COLEC12: variants seen among roughly 807,000 people sequenced by gnomAD.
COLEC12 encodes the protein collectin-12.
COLEC12 carries 33 observed loss-of-function variants against 71.1 expected under a neutral mutation model. That is an observed-to-expected ratio of 0.46 (90% confidence interval 0.35 to 0.62). The LOEUF (loss-of-function observed/expected upper bound fraction) is 0.62. Ranked by LOEUF, COLEC12 falls within the 20% of genes least tolerant of loss-of-function variation. The pLI, the probability that COLEC12 is intolerant of heterozygous loss-of-function variation, is 0.00. For synonymous variants in COLEC12, 350 were observed against 353.0 expected (o/e 0.99, Z 0.10); for missense variants, 765 against 916.1 (o/e 0.84, Z 2.13).
intron 2 of COLEC12, among the ~76,000 whole-genome samples, chr18:434,852 C>T (rs1916372938): frequency 6.6e-6 from 1 of 152,162 alleles, no homozygotes; most frequent in African/African-American, 2.4e-5. Context: ...GCCTAAACCA[C>T]TTTTTCCTGC....
chr18:385,024 G>C (rs1915313688), intron 2 of COLEC12, among the ~76,000 whole-genome samples: 2 of 152,222 alleles, frequency 1.3e-5, no homozygotes. Flanking sequence ...GATATCTGCT[G>C]ATTTAAGAAG....
chr18:476,515 G>A (rs937749162), intron 2 of COLEC12, among the ~76,000 whole-genome samples: 11 of 152,094 alleles, frequency 7.2e-5, no homozygotes, highest in East Asian at 1.9e-4. Flanking sequence ...TTATCATACC[G>A]GATCAGATTC....
At chr18:413,994 A>G (rs7235040) in intron 2 of COLEC12, among the ~76,000 whole-genome samples, 49,077 of 152,068 alleles carry the variant, frequency 0.32, 8,497 homozygotes, top group South Asian at 0.55. Flanking sequence ...CCAGTGATGA[A>G]GAAGTAGGTG....
intron 2 of COLEC12, among the ~76,000 whole-genome samples, chr18:387,979 G>T (rs924452219): frequency 6.3e-5 from 8 of 127,456 alleles, no homozygotes; most frequent in African/African-American, 2.0e-4. Context: ...ATGGGGAAGG[G>T]AACACAAAGT....
intron 1 of COLEC12, among the ~76,000 whole-genome samples, chr18:494,726 A>T (rs1436007045): frequency 6.6e-6 from 1 of 152,228 alleles, no homozygotes; most frequent in Non-Finnish European, 1.5e-5. Flanking sequence ...CTAGTTTCCT[A>T]ACATTTCTCT....
intron 2 of COLEC12, among the ~76,000 whole-genome samples, chr18:468,161 C>T (rs1917123064): frequency 6.6e-6 from 1 of 151,028 alleles, no homozygotes; most frequent in African/African-American, 2.4e-5. Context: ...GCTCGGGAGG[C>T]TGAGGCAGGA....
At chr18:324,217 T>C (rs1913782060) in intron 8 of COLEC12, among the ~76,000 whole-genome samples, 1 of 152,140 alleles carries the variant, frequency 6.6e-6, no homozygotes, top group African/African-American at 2.4e-5. Flanking sequence ...TCTGCATGTT[T>C]ATAATAATAT....
At chr18:481,506 C>G (rs1246066200) in intron 1 of COLEC12, among the ~76,000 whole-genome samples, 1 of 151,964 alleles carries the variant, frequency 6.6e-6, no homozygotes, top group Admixed American at 6.6e-5. Flanking sequence ...GGAGTTCGAG[C>G]CCAGCCTGGC....
rs1178071975 is a variant in COLEC12, at chr18:498,377, T to TTTTTTTTTTTTTTTTG, written c.7+2130_7+2131insCAAAAAAAAAAAAAAA. 5.9e-4 allele frequency among the ~76,000 whole-genome samples: 81 copies of TTTTTTTTTTTTTTTTG among 138,292 alleles called. 2 individuals carry two copies. Among genetic ancestry groups the TTTTTTTTTTTTTTTTG allele is most frequent in the African/African-American group, 1.7e-3 (59 of 34,898 alleles). 90.7% of individuals were successfully genotyped at this position (138,292 alleles called of 152,430 possible). A position where few individuals can be genotyped will look rare whatever the true frequency, so the allele number is the denominator to read the frequency against. On this transcript the variant is annotated intron_variant, in intron 1 of 9. Coordinates refer to ENST00000400256, the MANE Select transcript of COLEC12 (RefSeq NM_130386.3). ...ATATTTTTTTTCTTTTTTTTTTTTT[T>TTTTTTTTTTTTTTTTG]AGACGGAGTCTCGCTCTTGTCACCC...
chr18:473,161 C>A (rs185974630), intron 2 of COLEC12, among the ~76,000 whole-genome samples: 3 of 152,112 alleles, frequency 2.0e-5, no homozygotes, highest in Admixed American at 6.6e-5. Flanking sequence ...CTGTCTCACT[C>A]GAAAGACTTG....
chr18:409,628 T>C (rs72861858), intron 2 of COLEC12, among the ~76,000 whole-genome samples: 2 of 152,204 alleles, frequency 1.3e-5, no homozygotes, highest in Non-Finnish European at 2.9e-5. Context: ...TTATTCATCA[T>C]TGAAAATCAG....
At chr18:449,423 A>G (rs1916714871) in intron 2 of COLEC12, among the ~76,000 whole-genome samples, 1 of 152,204 alleles carries the variant, frequency 6.6e-6, no homozygotes, top group Non-Finnish European at 1.5e-5. Context: ...AAAAGTGCCA[A>G]AACTTGTTTT....
chr18:436,730 C>T (rs1916414774), intron 2 of COLEC12, among the ~76,000 whole-genome samples: 1 of 151,750 alleles, frequency 6.6e-6, no homozygotes, highest in African/African-American at 2.4e-5. Context: ...ATGGCTTTCC[C>T]CGACAGTGAT....
At chr18:359,640 T>C (rs988653591) in intron 2 of COLEC12, among the ~76,000 whole-genome samples, 6 of 152,230 alleles carry the variant, frequency 3.9e-5, no homozygotes, top group African/African-American at 1.4e-4. Context: ...TTCCATCTGA[T>C]AGATTAGAAA....
At chr18:485,777 T>G (rs1257530666) in intron 1 of COLEC12, among the ~76,000 whole-genome samples, 1 of 152,260 alleles carries the variant, frequency 6.6e-6, no homozygotes, top group Non-Finnish European at 1.5e-5. Context: ...AGTCAATCTG[T>G]GGACCAAGTT....
intron 2 of COLEC12, among the ~76,000 whole-genome samples, chr18:466,212 C>G (rs934510037): frequency 6.6e-6 from 1 of 152,164 alleles, no homozygotes; most frequent in African/African-American, 2.4e-5. Flanking sequence ...TGCACTCCAG[C>G]CTGGGCGACA....
At chr18:321,566 G>T in intron 9 of COLEC12, 96 bp downstream of exon 9, 1 of 1,328,524 alleles carries the variant, frequency 7.5e-7, no homozygotes, top group Non-Finnish European at 1.1e-6. Context: ...AAACCTAATT[G>T]CAGTGCCTGC....
chr18:429,333 G>A (rs927562692), intron 2 of COLEC12, among the ~76,000 whole-genome samples: 3 of 151,964 alleles, frequency 2.0e-5, no homozygotes, highest in African/African-American at 7.3e-5. Flanking sequence ...ACAGTTGGCT[G>A]ATTTGATTGT....
At chr18:385,931 C>T (rs1419685467) in intron 2 of COLEC12, among the ~76,000 whole-genome samples, 1 of 152,160 alleles carries the variant, frequency 6.6e-6, no homozygotes, top group African/African-American at 2.4e-5. Context: ...GTGATTTAAT[C>T]TACAAAATAA....
Sources: allele counts gnomAD v4.1 joint callset (sites outside exome capture counted in the v4.1 genomes callset), GRCh38; gene constraint gnomAD v4.1.1; transcripts MANE v1.5; gene names NCBI Gene and HGNC (gene_info 2026-07-23, HGNC 2026-07-21).